IGF1R: variants seen among roughly 807,000 people sequenced by gnomAD.
IGF1R encodes the protein insulin like growth factor 1 receptor.
In IGF1R, 44 loss-of-function variants were observed where a neutral mutation model predicts 144.6. The observed-to-expected ratio is 0.30, with a 90% CI of 0.24 to 0.39. The LOEUF is 0.39. Among genes scored for constraint, IGF1R ranks in the 10% least tolerant of loss-of-function variants. The pLI is 1.00. For missense variants in IGF1R, 1,355 were observed against 1,833.7 expected, an observed-to-expected ratio of 0.74 and a Z score of 4.77; for synonymous variants, 795 against 722.8, an observed-to-expected ratio of 1.10 and a Z score of -1.60.
At chr15:98,866,973 C>CT (rs796864600) in intron 2 of IGF1R, among the ~76,000 whole-genome samples, 4 of 152,282 alleles carry the variant, frequency 2.6e-5, no homozygotes, top group African/African-American at 9.6e-5. Context: ...CATTGCTACA[C>CT]TTTTTTAAAT....
At chr15:98,737,953 C>T (rs973136705) in intron 2 of IGF1R, among the ~76,000 whole-genome samples, 10 of 152,176 alleles carry the variant, frequency 6.6e-5, no homozygotes, top group South Asian at 2.1e-4. Flanking sequence ...TTCCTGGTCC[C>T]GCAGCCGTTC....
intron 2 of IGF1R, among the ~76,000 whole-genome samples, chr15:98,807,024 A>G (rs1208085058): frequency 6.6e-6 from 1 of 152,024 alleles, no homozygotes; most frequent in Non-Finnish European, 1.5e-5. Context: ...AAAATTGGAG[A>G]ATTTATAACG....
Position 98,911,453 on chromosome 15 carries a change from C to G in IGF1R, c.1589+12C>G, listed in dbSNP as rs1316385440. On this transcript the variant is annotated intron_variant, in intron 7 of 20. Coordinates refer to ENST00000650285, the MANE Select transcript of IGF1R (RefSeq NM_000875.5). Reference sequence around the variant, plus strand: ...TACTACAAGGAAGCGTGAGTTTCTGCTTTGGGTGATGCCATTCTGTTGACA... The same window carrying G: ...TACTACAAGGAAGCGTGAGTTTCTGGTTTGGGTGATGCCATTCTGTTGACA... 6.2e-7 allele frequency: 1 copy of G among 1,614,168 alleles called. No homozygotes were observed. Among genetic ancestry groups the G allele is most frequent in the Admixed American group, 1.7e-5 (1 of 60,018 alleles).
intron 1 of IGF1R, among the ~76,000 whole-genome samples, chr15:98,663,224 G>T (rs2052641722): frequency 6.6e-6 from 1 of 152,126 alleles, no homozygotes; most frequent in South Asian, 2.1e-4. Flanking sequence ...GGGGTGGTTT[G>T]TCGAGAGAGC....
intron 2 of IGF1R, among the ~76,000 whole-genome samples, chr15:98,881,109 G>A (rs1236749153): frequency 1.3e-5 from 2 of 152,172 alleles, no homozygotes; most frequent in African/African-American, 4.8e-5. Flanking sequence ...TAGTGGGTAC[G>A]TGTTATCTCC....
chr15:98,692,207 G>A lies in IGF1R; in HGVS notation c.95-15355G>A, dbSNP rs149528411. Among the ~76,000 whole-genome samples, 227 of 152,198 alleles carry A rather than the reference G, an allele frequency of 1.5e-3. 2 individuals are homozygous for A. Among genetic ancestry groups the A allele is most frequent in the African/African-American group, 5.2e-3 (218 of 41,536 alleles). On this transcript the variant is annotated intron_variant, in intron 1 of 20. Coordinates refer to ENST00000650285, the MANE Select transcript of IGF1R (RefSeq NM_000875.5). ...AAAAAAATTAGCTGGGCATGGTGGT[G>A]CTTGCTTTTGGTCCCAGCTACTTGG...
chr15:98,961,387 G>C lies in IGF1R; in HGVS notation c.*3945G>C, dbSNP rs1385771910. The C allele has an allele frequency of 4.3e-6, 1 of 233,484 alleles. No individual in the cohort carries two copies. The highest frequency in any genetic ancestry group is 8.5e-6 in the Non-Finnish European group (1 of 117,954). The allele number at this position is 233,484 out of a possible 1,614,324, so 14.5% of individuals were successfully genotyped here. ...CAGTGTAGTGCCCATCATAGCAAAT[G>C]CTTCAGAAACACCTCAATAAAAGAG... On this transcript the variant is annotated 3_prime_UTR_variant, in exon 21 of 21. Coordinates refer to ENST00000650285, the MANE Select transcript of IGF1R (RefSeq NM_000875.5).
intron 2 of IGF1R, among the ~76,000 whole-genome samples, chr15:98,856,073 C>T (rs1476384176): frequency 6.6e-6 from 1 of 152,162 alleles, no homozygotes; most frequent in African/African-American, 2.4e-5. Flanking sequence ...CTGAGCTGTG[C>T]CTGCTTCTGT....
intron 2 of IGF1R, among the ~76,000 whole-genome samples, chr15:98,788,185 A>G (rs558423512): frequency 6.6e-6 from 1 of 152,144 alleles, no homozygotes; most frequent in South Asian, 2.1e-4. Flanking sequence ...CATGGTAGGA[A>G]TGGGTAGACT....
intron 2 of IGF1R, among the ~76,000 whole-genome samples, chr15:98,768,935 AC>A (rs1567119499): frequency 0.03 from 2,157 of 72,496 alleles, 55 homozygotes; most frequent in African/African-American, 0.11. Flanking sequence ...CTCAAAAACA[AC>A]AACAACAACA....
intron 20 of IGF1R, among the ~76,000 whole-genome samples, chr15:98,951,098 T>G (rs1159715796): frequency 6.6e-6 from 1 of 152,114 alleles, no homozygotes; most frequent in Non-Finnish European, 1.5e-5. Flanking sequence ...CAGTGGACAC[T>G]TCGTGTGGAA....
chr15:98,830,695 C>T (rs886268129), intron 2 of IGF1R, among the ~76,000 whole-genome samples: 3 of 151,310 alleles, frequency 2.0e-5, no homozygotes, highest in African/African-American at 7.3e-5. Context: ...CCTCCCACTT[C>T]TGGGTTCAAG....
At chr15:98,867,620 C>A (rs1004358866) in intron 2 of IGF1R, among the ~76,000 whole-genome samples, 7 of 152,126 alleles carry the variant, frequency 4.6e-5, no homozygotes, top group Admixed American at 1.3e-4. Context: ...CATCTCATCA[C>A]CTGCATCTGA....
At chr15:98,951,386 C>T (rs181630246) in intron 20 of IGF1R, among the ~76,000 whole-genome samples, 5 of 152,326 alleles carry the variant, frequency 3.3e-5, no homozygotes, top group African/African-American at 9.6e-5. Context: ...GGAAGAGACT[C>T]GAAAGACCAC....
chr15:98,766,591 TATTG>T (rs2055442332), intron 2 of IGF1R, among the ~76,000 whole-genome samples: 2 of 152,368 alleles, frequency 1.3e-5, no homozygotes, highest in Non-Finnish European at 2.9e-5. Context: ...ATAATGTATT[TATTG>T]ATTGATTAAC....
At chr15:98,956,003 C>T (rs1488569402) in intron 20 of IGF1R, among the ~76,000 whole-genome samples, 1 of 152,264 alleles carries the variant, frequency 6.6e-6, no homozygotes, top group South Asian at 2.1e-4. Flanking sequence ...GGCGGTCACT[C>T]CTCAGAACTA....
rs1051011396 is a variant in IGF1R at position 98,964,435 on chromosome 15, A to G, written c.*6993A>G. ...TGGAAAAAAGAAACTGTCTATTTTG[A>G]ATGGCTGAAGCTAAGGCAACGTTAG... is the stretch of plus-strand genomic sequence containing the variant. On this transcript the variant is annotated 3_prime_UTR_variant, in exon 21 of 21. Coordinates refer to ENST00000650285, the MANE Select transcript of IGF1R (RefSeq NM_000875.5). 4 of 228,072 alleles carry G rather than the reference A, an allele frequency of 1.8e-5. No homozygotes were observed. The highest frequency in any genetic ancestry group is 8.9e-5 in the African/African-American group (4 of 45,026). The allele number at this position is 228,072 out of a possible 1,614,324, so 14.1% of individuals were successfully genotyped here.
At chr15:98,772,096 G>A (rs567825703) in intron 2 of IGF1R, among the ~76,000 whole-genome samples, 1 of 152,156 alleles carries the variant, frequency 6.6e-6, no homozygotes, top group Non-Finnish European at 1.5e-5. Flanking sequence ...CCCCCAAACT[G>A]CGAACAGAGA....
intron 2 of IGF1R, among the ~76,000 whole-genome samples, chr15:98,789,031 T>C (rs892566112): frequency 1.3e-5 from 2 of 152,228 alleles, no homozygotes; most frequent in African/African-American, 4.8e-5. Flanking sequence ...GTATTTAGAC[T>C]GTGCTTCTAC....
Sources: gnomAD v4.1 joint callset for allele counts (sites outside exome capture counted in the v4.1 genomes callset) on GRCh38, gnomAD v4.1.1 for gene constraint, MANE v1.5 for transcripts, NCBI Gene and HGNC (gene_info 2026-07-23, HGNC 2026-07-21) for gene names.